The following KCNK16 variants were observed in gnomAD, a reference collection of about 807,000 sequenced individuals.
The protein encoded by KCNK16 is potassium channel subfamily K member 16.
KCNK16 carries 23 observed loss-of-function variants against 23.0 expected under a neutral mutation model. The ratio of observed to expected loss-of-function variants is 1.00; its 90% CI spans 0.72 to 1.41. The LOEUF (loss-of-function observed/expected upper bound fraction) is 1.41. Among genes scored for constraint, KCNK16 ranks in the 40% most tolerant of loss-of-function variants. The probability of loss-of-function intolerance (pLI) is 0.00; values close to 1 mark genes in which losing one functional copy is unlikely to be tolerated. For missense variants in KCNK16, 327 were observed against 365.8 expected, an observed-to-expected ratio of 0.89 and a Z score of 0.87; for synonymous variants, 145 against 153.5, an observed-to-expected ratio of 0.94 and a Z score of 0.41.
intron 2 of KCNK16, among the ~76,000 whole-genome samples, chr6:39,318,687 A>G (rs919538481): frequency 6.6e-6 from 1 of 151,902 alleles, no homozygotes; most frequent in African/African-American, 2.4e-5. Context: ...GAACTAATAT[A>G]CTCGGGACCA....
chr6:39,315,009 C>G, downstream of KCNK16: 2 of 1,602,844 alleles, frequency 1.2e-6, no homozygotes. Context: ...TCCTCAGCTT[C>G]CCAGTCCTTT....
Position 39,319,234 on chromosome 6 carries a change from TA to T in KCNK16, c.214-102del. The T allele has an allele frequency of 1.4e-6, 1 of 726,838 alleles. No homozygotes were observed. Among genetic ancestry groups the T allele is most frequent in the Non-Finnish European group, 2.5e-6 (1 of 399,182 alleles). 45.0% of individuals were successfully genotyped at this position (726,838 alleles called of 1,614,324 possible). A position where few individuals can be genotyped will look rare whatever the true frequency, so the allele number is the denominator to read the frequency against. On this transcript the variant is annotated intron_variant, in intron 1 of 4. Coordinates refer to ENST00000437525, the MANE Select transcript of KCNK16 (RefSeq NM_001135106.2). The surrounding 1 kb of genome is among the most constrained non-coding windows in gnomAD (Gnocchi z 4.2). ...CAGCATGCTTTTGTGTCATCTCATC[TA>T]ATGATACTCTTAGATGATATTGTTC...
chr6:39,318,932 C>A, intron 2 of KCNK16, 87 bp downstream of exon 2: 1 of 907,804 alleles, frequency 1.1e-6, no homozygotes, highest in Non-Finnish European at 1.8e-6. Flanking sequence ...CCTAGACAAA[C>A]CACATCCTTG....
intron 3 of KCNK16, among the ~76,000 whole-genome samples, chr6:39,317,282 G>A (rs1354717626): frequency 6.6e-6 from 1 of 152,238 alleles, no homozygotes; most frequent in Non-Finnish European, 1.5e-5. Flanking sequence ...CCTTGCAAGT[G>A]GCTGGCCAAG....
At chr6:39,318,518 G>T (rs1227769858) in intron 2 of KCNK16, among the ~76,000 whole-genome samples, 1 of 152,118 alleles carries the variant, frequency 6.6e-6, no homozygotes, top group African/African-American at 2.4e-5. Context: ...TCAGTGCCCT[G>T]TTCCCTCAGA....
chr6:39,315,447 G>T, downstream of KCNK16: 1 of 1,542,904 alleles, frequency 6.5e-7, no homozygotes, highest in Admixed American at 2.0e-5. Flanking sequence ...AGGGTCAGGG[G>T]AGGCCATGTT....
rs377243336 is a variant in KCNK16, at chr6:39,316,843, G to A, written c.600C>T (p.Ser200=). 1.9e-5 allele frequency: 30 copies of A among 1,613,982 alleles called. No homozygotes were observed. The highest frequency in any genetic ancestry group is 2.4e-5 in the Non-Finnish European group (28 of 1,180,010). ...VFSHVEGWSF[S]EGFYFAFITL... ...TGATGAAAGCAAAGTAGAAGCCCTC[G>A]CTGAAGCTCCAGCCCTCCACATGGC... is the stretch of plus-strand genomic sequence containing the variant. Residue 200 remains serine, a synonymous_variant, in exon 4 of 5, where the codon AGC becomes AGT. Coordinates refer to ENST00000437525, the MANE Select transcript of KCNK16 (RefSeq NM_001135106.2).
intron 4 of KCNK16, 110 bp from the exon 5 acceptor site, chr6:39,316,552 A>C: frequency 7.4e-7 from 1 of 1,358,824 alleles, no homozygotes; most frequent in African/African-American, 1.5e-5. Flanking sequence ...TCCTCATAAC[A>C]AGGAACAGCA....
intron 1 of KCNK16, among the ~76,000 whole-genome samples, chr6:39,322,027 G>A (rs1378573746): frequency 6.6e-6 from 1 of 152,250 alleles, no homozygotes; most frequent in Non-Finnish European, 1.5e-5. Context: ...ACAGCTTAGA[G>A]AGTGCTTTTA....
chr6:39,317,999 C>T (rs1375952060), intron 2 of KCNK16, 47 bp from the exon 3 acceptor site: 8 of 1,514,960 alleles, frequency 5.3e-6, no homozygotes, highest in Non-Finnish European at 7.1e-6. Flanking sequence ...TCTAGAACGC[C>T]CTCTGCTCCT....
At chr6:39,315,214 A>G, downstream of KCNK16, 2 of 1,613,970 alleles carry the variant, frequency 1.2e-6, no homozygotes, top group South Asian at 1.1e-5. Flanking sequence ...AGGCCCCGGG[A>G]TGGAGTGGTC....
intron 3 of KCNK16, 57 bp from the exon 4 acceptor site, chr6:39,317,004 G>A (rs1393470159): frequency 1.3e-6 from 2 of 1,540,992 alleles, no homozygotes; most frequent in Non-Finnish European, 8.8e-7. Context: ...GATTGTATGA[G>A]GTTGGGGGGA....
downstream of KCNK16, chr6:39,314,859 G>A (rs755049430): frequency 1.2e-4 from 98 of 822,834 alleles, no homozygotes; most frequent in Non-Finnish European, 1.9e-4. Context: ...GACCCCAGCT[G>A]ATTGCCACTT....
In KCNK16 at chr6:39,317,785, C is replaced by A; in HGVS notation, c.495+1G>T. The A allele has an allele frequency of 1.9e-6, 3 of 1,585,788 alleles. No individual in the cohort carries two copies. The highest frequency in any genetic ancestry group is 1.7e-6 in the Non-Finnish European group (2 of 1,166,094). On this transcript the variant is annotated splice_donor_variant, in intron 3 of 4. Transcript: ENST00000437525. LOFTEE classifies it high-confidence loss of function. ...GCCTGTAAGGGAGTTAGGGGGCATA[C>A]CTGGGAGCGCCTGGGACGGTCCTCC...
At chr6:39,314,705 T>G, downstream of KCNK16, 2 of 441,964 alleles carry the variant, frequency 4.5e-6, no homozygotes, top group East Asian at 7.2e-5. Flanking sequence ...AGGTAGGAGA[T>G]AGTAGAGACC....
Position 39,322,393 on chromosome 6 carries a change from C to G in KCNK16, c.148G>C (p.Glu50Gln), listed in dbSNP as rs1478147467. The G allele has an allele frequency of 6.2e-7, 1 of 1,614,078 alleles. No homozygotes were observed. The highest frequency in any genetic ancestry group is 1.7e-5 in the Admixed American group (1 of 60,028). The change falls in exon 1 of 5, where the codon GAG becomes CAG. Residue 50 changes from glutamate to glutamine, a missense_variant. Physicochemically the swap from Glu to Gln is conservative, Grantham distance 29. Transcript: ENST00000437525. ...TAGTTCTCCAGGAAGCGCAGCTTCT[C>G]CAACTGAAACTGGTCCCTGGACTGA... ...EAQSRDQFQL[E>Q]KLRFLENYTC...
chr6:39,319,406 G>A lies in KCNK16; in HGVS notation c.214-273C>T, dbSNP rs917091029. On this transcript the variant is annotated intron_variant, in intron 1 of 4. Transcript: ENST00000437525. This position sits in a 1 kb window ranked among gnomAD's most constrained non-coding sequence, Gnocchi z 4.2. ...GTGGGCTGCAAGCATGGGCTGGGGC[G>A]GGAGATGGGCCTGAGGGGTGAGGTG... 6.6e-6 allele frequency among the ~76,000 whole-genome samples: 1 copy of A among 152,174 alleles called. No homozygotes were observed. Among genetic ancestry groups the A allele is most frequent in the African/African-American group, 2.4e-5 (1 of 41,436 alleles).
Position 39,322,664 on chromosome 6 carries a change from A to T in KCNK16, c.-124T>A, listed in dbSNP as rs1762556774. On this transcript the variant is annotated 5_prime_UTR_variant, in exon 1 of 5. Transcript: ENST00000437525. ...CGCCTGCCCTGCCCTCCTCCTCGGC[A>T]CAGGTGTCTGGAGGCTGGGGAGACT... The T allele has an allele frequency of 7.2e-7, 1 of 1,395,904 alleles. No homozygotes were observed. Among genetic ancestry groups the T allele is most frequent in the Non-Finnish European group, 9.5e-7 (1 of 1,056,092 alleles). 86.5% of individuals were successfully genotyped at this position (1,395,904 alleles called of 1,614,324 possible).
At position 39,316,194 on chromosome 6, in the gene KCNK16, G is replaced by C. The variant is rs2113848349; in HGVS notation, c.*25C>G. On this transcript the variant is annotated 3_prime_UTR_variant, in exon 5 of 5. Coordinates refer to ENST00000437525, the MANE Select transcript of KCNK16 (RefSeq NM_001135106.2). ...GGGTGGGACTGGGGAGGATGAAAGGGGTTTCTGGGCCCCCCCCGGGGGCCT... is the reference window on the plus strand; with the variant it reads ...GGGTGGGACTGGGGAGGATGAAAGGCGTTTCTGGGCCCCCCCCGGGGGCCT... The C allele has an allele frequency of 6.7e-7, 1 of 1,498,116 alleles. No homozygotes were observed. Among genetic ancestry groups the C allele is most frequent in the African/African-American group, 1.4e-5 (1 of 70,718 alleles). The allele number at this position is 1,498,116 out of a possible 1,614,324, so 92.8% of individuals were successfully genotyped here.
Sources: gnomAD v4.1 joint callset for allele counts (sites outside exome capture counted in the v4.1 genomes callset) on GRCh38, gnomAD v4.1.1 for gene constraint, Gnocchi (gnomAD v3.1) non-coding constraint, MANE v1.5 for transcripts, NCBI Gene and HGNC (gene_info 2026-07-23, HGNC 2026-07-21) for gene names.